Variants in CEP120 observed in about 807,000 individuals in gnomAD.
CEP120 encodes centrosomal protein of 120 kDa.
CEP120 carries 113 observed loss-of-function variants against 126.5 expected under a neutral mutation model. The observed-to-expected ratio is 0.89, with a 90% CI of 0.77 to 1.04. The LOEUF (loss-of-function observed/expected upper bound fraction) is 1.04. CEP120 is among the 50% of genes least tolerant of loss of function. The pLI is 0.00. For synonymous variants in CEP120, 400 were observed against 394.3 expected (o/e 1.01, Z -0.17); for missense variants, 1,230 against 1,155.7 (o/e 1.06, Z -0.93).
At chr5:123,363,910 A>G (rs1255468485) in intron 18 of CEP120, among the ~76,000 whole-genome samples, 2 of 151,554 alleles carry the variant, frequency 1.3e-5, no homozygotes, top group African/African-American at 4.8e-5. Flanking sequence ...TCTTATTCAT[A>G]ATTTCTTCAA....
At position 123,423,267 on chromosome 5, in the gene CEP120, C is replaced by A. The variant is rs1774842178; in HGVS notation, c.-269G>T. 2 of 487,216 alleles carry A rather than the reference C, an allele frequency of 4.1e-6. No homozygotes were observed. The highest frequency in any genetic ancestry group is 7.3e-6 in the Non-Finnish European group (2 of 273,868). 30.2% of individuals were successfully genotyped at this position (487,216 alleles called of 1,614,324 possible). A position where few individuals can be genotyped will look rare whatever the true frequency, so the allele number is the denominator to read the frequency against. On this transcript the variant is annotated 5_prime_UTR_variant, in exon 1 of 20. Coordinates refer to ENST00000306467, the MANE Select transcript of CEP120 (RefSeq NM_001375405.1). ...GCCAGTCTGCAAGCAGAGACAAGCC[C>A]GCCACCCGAGGACCTTTTGCCGCCT...
intron 3 of CEP120, among the ~76,000 whole-genome samples, 185 bp from the exon 4 acceptor site, chr5:123,412,725 G>C (rs1000407531): frequency 3.3e-5 from 5 of 151,930 alleles, no homozygotes; most frequent in Non-Finnish European, 5.9e-5. Flanking sequence ...TTTCCCTCTA[G>C]AAAAACTACG....
chr5:123,418,565 A>C, intron 1 of CEP120, 50 bp from the exon 2 acceptor site: 1 of 1,437,984 alleles, frequency 7.0e-7, no homozygotes, highest in Non-Finnish European at 9.4e-7. Flanking sequence ...AAAATCAAAC[A>C]GGATCATTTA....
At chr5:123,406,145 A>C (rs944685726) in intron 4 of CEP120, among the ~76,000 whole-genome samples, 2 of 148,442 alleles carry the variant, frequency 1.3e-5, no homozygotes, top group African/African-American at 5.0e-5. Context: ...AGGAGTTTCC[A>C]AAACTGGAAG....
intron 1 of CEP120, among the ~76,000 whole-genome samples, chr5:123,421,384 ACT>A (rs1372572121): frequency 6.6e-6 from 1 of 151,840 alleles, no homozygotes; most frequent in Non-Finnish European, 1.5e-5. Flanking sequence ...CTCACTTGAA[ACT>A]CTGTATTAGG....
chr5:123,368,008 C>T (rs1770587043), intron 17 of CEP120, among the ~76,000 whole-genome samples: 1 of 151,892 alleles, frequency 6.6e-6, no homozygotes, highest in African/African-American at 2.4e-5. Flanking sequence ...CCTCTTTTCA[C>T]TAGGCACTTA....
At chr5:123,352,008 A>G (rs80277929) in intron 18 of CEP120, among the ~76,000 whole-genome samples, 4,266 of 152,200 alleles carry the variant, frequency 0.028, 198 homozygotes, top group African/African-American at 0.097. Context: ...GACAGGTTAC[A>G]TAGTAGTATC....
Position 123,382,751 on chromosome 5 carries a change from T to G in CEP120, c.1999A>C (p.Ile667Leu). The change falls in exon 13 of 20, where the codon ATA becomes CTA. Residue 667 changes from isoleucine to leucine, a missense_variant. Transcript: ENST00000306467. The stretch of plus-strand genomic sequence containing the variant: ...TAAAAAGTAACCTGATTTTCAAATA[T>G]ATCTTCTTGCATCTCCTTCCACATT... ...LEMWKEMQED[I>L]FENQLKQKEL... The G allele has an allele frequency of 6.2e-7, 1 of 1,611,904 alleles. No homozygotes were observed. Among genetic ancestry groups the G allele is most frequent in the Non-Finnish European group, 8.5e-7 (1 of 1,179,132 alleles).
At chr5:123,417,506 T>C (rs1307508542) in intron 2 of CEP120, among the ~76,000 whole-genome samples, 1 of 152,104 alleles carries the variant, frequency 6.6e-6, no homozygotes, top group Admixed American at 6.5e-5. Context: ...AGTGGTTTTG[T>C]TTAAAATTAA....
chr5:123,369,697 G>A (rs775248443), intron 17 of CEP120, among the ~76,000 whole-genome samples: 29 of 151,954 alleles, frequency 1.9e-4, no homozygotes, highest in Non-Finnish European at 3.8e-4. Flanking sequence ...TCCTCAAAGA[G>A]GCCTTCCTTA....
chr5:123,392,075 A>C (rs1030881699), intron 6 of CEP120, among the ~76,000 whole-genome samples: 10 of 152,204 alleles, frequency 6.6e-5, no homozygotes, highest in African/African-American at 2.4e-4. Flanking sequence ...ATCATGCTGT[A>C]AAATATATTT....
chr5:123,401,629 C>G, intron 4 of CEP120: 1 of 1,432,974 alleles, frequency 7.0e-7, no homozygotes, highest in Non-Finnish European at 9.8e-7. Context: ...TGTCTGAGAT[C>G]CAGGACTGCA....
Position 123,412,151 on chromosome 5 carries a change from A to G in CEP120, c.463+248T>C, listed in dbSNP as rs60171561. 0.021 allele frequency among the ~76,000 whole-genome samples: 3,218 copies of G among 152,304 alleles called. 118 individuals are homozygous for G. The highest frequency in any genetic ancestry group is 0.073 in the African/African-American group (3,021 of 41,536). Reference sequence around the variant, plus strand: ...AGGAAGAAAACTGTCCTAAGTGGCAAATTTTTAAAACTATACAAAATTGTG... The same window carrying G: ...AGGAAGAAAACTGTCCTAAGTGGCAGATTTTTAAAACTATACAAAATTGTG... On this transcript the variant is annotated intron_variant, in intron 4 of 19. Coordinates refer to ENST00000306467, the MANE Select transcript of CEP120 (RefSeq NM_001375405.1).
rs1408497085 is a variant in CEP120 at position 123,346,738 on chromosome 5, C to T, written c.2742G>A (p.Glu914=). The change falls in exon 20 of 20, where the codon GAG becomes GAA. Residue 914 remains glutamate, a synonymous_variant. Transcript: ENST00000306467. The part of the protein sequence containing the change: ...RNELNRLRQQ[E]QKQYQDSTEI... ...CTGTGGAATCCTGGTATTGTTTTTG[C>T]TCTTGTTGCCTTAACCTGAGAAGTC... 2 of 1,606,474 alleles carry T rather than the reference C, an allele frequency of 1.2e-6. No homozygotes were observed. The highest frequency in any genetic ancestry group is 1.7e-5 in the Admixed American group (1 of 58,318).
intron 16 of CEP120, among the ~76,000 whole-genome samples, chr5:123,376,361 T>C (rs1420345585): frequency 6.6e-6 from 1 of 151,976 alleles, no homozygotes; most frequent in East Asian, 1.9e-4. Flanking sequence ...ATGGCATGCC[T>C]GAGAACTTGA....
intron 4 of CEP120, among the ~76,000 whole-genome samples, chr5:123,406,845 T>G (rs569725526): frequency 1.3e-5 from 2 of 151,864 alleles, no homozygotes; most frequent in South Asian, 4.1e-4. Context: ...TCTTAATTGA[T>G]CTAACAGATA....
intron 1 of CEP120, among the ~76,000 whole-genome samples, chr5:123,422,195 G>C (rs188095831): frequency 2.1e-3 from 319 of 152,180 alleles, no homozygotes; most frequent in Non-Finnish European, 3.5e-3. Flanking sequence ...CTCTTTGCCT[G>C]GAATGCCCTT....
At chr5:123,403,375 T>C (rs370404981) in intron 4 of CEP120, 4 of 443,910 alleles carry the variant, frequency 9.0e-6, no homozygotes. Context: ...GTTCAAAGAA[T>C]CATGGAGACA....
intron 14 of CEP120, among the ~76,000 whole-genome samples, chr5:123,380,878 T>A (rs1345031249): frequency 1.3e-5 from 2 of 152,142 alleles, no homozygotes; most frequent in African/African-American, 2.4e-5. Context: ...ATAACTCGCA[T>A]AATGTTAAAA....
Sources: gnomAD v4.1 joint callset for allele counts (sites outside exome capture counted in the v4.1 genomes callset) on GRCh38, gnomAD v4.1.1 for gene constraint, MANE v1.5 for transcripts, NCBI Gene and HGNC (gene_info 2026-07-23, HGNC 2026-07-21) for gene names.